CELF2: variants seen among roughly 807,000 people sequenced by gnomAD.
CELF2 encodes CUGBP Elav-like family member 2.
Under a neutral mutation model 62.6 loss-of-function variants are expected in CELF2, and 8 were observed. That is an observed-to-expected ratio of 0.13 (90% CI 0.07 to 0.23). The LOEUF (loss-of-function observed/expected upper bound fraction) is 0.23. Among genes scored for constraint, CELF2 ranks in the 10% least tolerant of loss-of-function variants. CELF2 has a pLI of 1.00. For synonymous variants in CELF2, 258 were observed against 250.0 expected (o/e 1.03, Z -0.30); for missense variants, 333 against 671.0 (o/e 0.50, Z 5.56).
At chr10:10,559,219 T>G in the CELF2 span, among the ~76,000 whole-genome samples, 1 of 152,192 alleles carries the variant, frequency 6.6e-6, no homozygotes, top group Non-Finnish European at 1.5e-5. Flanking sequence ...TCATCAGTAT[T>G]AAGCATGTCT....
At chr10:10,621,134 C>T in the CELF2 span, among the ~76,000 whole-genome samples, 6 of 149,960 alleles carry the variant, frequency 4.0e-5, no homozygotes, top group Non-Finnish European at 8.9e-5. Flanking sequence ...GTCCCAGCTA[C>T]TCGGGAGGCT....
intron 1 of CELF2, among the ~76,000 whole-genome samples, chr10:11,160,067 C>T (rs2065351158): frequency 6.6e-6 from 1 of 152,200 alleles, no homozygotes; most frequent in African/African-American, 2.4e-5. Flanking sequence ...CACCTGTGAG[C>T]CAGAGGGACT....
intron 1 of CELF2, among the ~76,000 whole-genome samples, chr10:11,091,889 C>A (rs533951338): frequency 6.6e-6 from 1 of 152,282 alleles, no homozygotes; most frequent in African/African-American, 2.4e-5. Flanking sequence ...ACCAGTAAGA[C>A]GGTAACGTTG....
chr10:10,821,776 G>T (rs754429986), intron 1 of CELF2, among the ~76,000 whole-genome samples: 2 of 152,142 alleles, frequency 1.3e-5, no homozygotes, highest in African/African-American at 4.8e-5. Context: ...GAATAGGTGG[G>T]AGTATGTGGT....
chr10:10,679,650 C>T, the CELF2 span, among the ~76,000 whole-genome samples: 180 of 152,276 alleles, frequency 1.2e-3, no homozygotes, highest in African/African-American at 4.1e-3. Flanking sequence ...CCCAAAAGAA[C>T]ACCAGGATAA....
chr10:11,246,426 C>T lies in CELF2; in HGVS notation c.355-2727C>T, dbSNP rs974440069. Among the ~76,000 whole-genome samples the T allele has an allele frequency of 6.6e-6, 1 of 152,126 alleles. No homozygotes were observed. Among genetic ancestry groups the T allele is most frequent in the Non-Finnish European group, 1.5e-5 (1 of 68,026 alleles). Reference sequence around the variant, plus strand: ...CCTGTTGAACTCCCTTTGCAGGTGACCTCAAAATAGAAGAAGCCCTCATTC... The same window carrying T: ...CCTGTTGAACTCCCTTTGCAGGTGATCTCAAAATAGAAGAAGCCCTCATTC... On this transcript the variant is annotated intron_variant, in intron 3 of 12. Transcript: ENST00000633077. The surrounding 1 kb of genome is among the most constrained non-coding windows in gnomAD (Gnocchi z 4.6).
chr10:10,736,384 CTTTCTTTCTTTCTT>C, the CELF2 span, among the ~76,000 whole-genome samples: 1 of 80,536 alleles, frequency 1.2e-5, no homozygotes, highest in Non-Finnish European at 2.7e-5. Context: ...TTCTTTCTTT[CTTTCTTTCTTTCTT>C]TTTTTTTTTT....
intron 1 of CELF2, among the ~76,000 whole-genome samples, chr10:10,814,895 A>G (rs2056302679): frequency 6.6e-6 from 1 of 152,240 alleles, no homozygotes; most frequent in South Asian, 2.1e-4. Context: ...GGTTCCGTCT[A>G]GAGCACCTAG....
At chr10:10,800,358 A>T (rs536383027) in intron 1 of CELF2, among the ~76,000 whole-genome samples, 16 of 149,106 alleles carry the variant, frequency 1.1e-4, no homozygotes, top group Admixed American at 2.0e-4. Context: ...ATTAATGTAC[A>T]TTTTTTTTTT....
the CELF2 span, among the ~76,000 whole-genome samples, chr10:10,622,103 C>T: frequency 1.2e-4 from 18 of 152,196 alleles, no homozygotes; most frequent in African/African-American, 4.1e-4. Flanking sequence ...CTCGTCCTGA[C>T]AGTCACTGGG....
the CELF2 span, among the ~76,000 whole-genome samples, chr10:10,563,812 A>C: frequency 1.3e-5 from 2 of 152,096 alleles, no homozygotes; most frequent in African/African-American, 4.8e-5. Flanking sequence ...ACGGGGCCTC[A>C]CCTGCAGGGA....
intron 2 of CELF2, among the ~76,000 whole-genome samples, chr10:10,930,898 A>G (rs1327234057): frequency 6.6e-6 from 1 of 152,318 alleles, no homozygotes; most frequent in Admixed American, 6.5e-5. Flanking sequence ...TTATTCCTCT[A>G]AAGGGTTTCA....
chr10:10,691,612 C>A, the CELF2 span, among the ~76,000 whole-genome samples: 1 of 151,840 alleles, frequency 6.6e-6, no homozygotes, highest in Non-Finnish European at 1.5e-5. Context: ...AATCAGTTTA[C>A]AGTCCCACCA....
the CELF2 span, among the ~76,000 whole-genome samples, chr10:10,526,169 T>C: frequency 1.3e-5 from 2 of 152,244 alleles, no homozygotes; most frequent in Admixed American, 1.3e-4. Flanking sequence ...ACCTGTTAGA[T>C]TTTTATTCTG....
At chr10:10,794,604 C>T (rs1214270733), upstream of CELF2, 1 of 151,678 alleles carries the variant, frequency 6.6e-6, no homozygotes, top group African/African-American at 2.4e-5. Context: ...TTTTAAAGCC[C>T]CTATCAGGAA....
intron 2 of CELF2, among the ~76,000 whole-genome samples, chr10:10,987,705 G>T (rs1052355731): frequency 6.6e-6 from 1 of 151,704 alleles, no homozygotes; most frequent in Non-Finnish European, 1.5e-5. Context: ...AGAAAAAAAC[G>T]ATCTCAATAG....
the CELF2 span, among the ~76,000 whole-genome samples, chr10:10,655,734 A>G: frequency 1.5e-5 from 2 of 132,482 alleles, no homozygotes; most frequent in African/African-American, 5.5e-5. Flanking sequence ...AGATGGATTA[A>G]AGACTTAAAC....
At chr10:11,003,455 TTTCTC>T (rs1412467412), upstream of CELF2, among the ~76,000 whole-genome samples, 2 of 152,232 alleles carry the variant, frequency 1.3e-5, no homozygotes, top group African/African-American at 4.8e-5. This position sits in a 1 kb window ranked among gnomAD's most constrained non-coding sequence, Gnocchi z 4.4. Context: ...TATTTTTACT[TTTCTC>T]TAATGGACAA....
chr10:10,915,920 T>C (rs2134525087), intron 1 of CELF2, among the ~76,000 whole-genome samples: 1 of 152,344 alleles, frequency 6.6e-6, no homozygotes, highest in Non-Finnish European at 1.5e-5. Flanking sequence ...ATATTTTGCA[T>C]GAATAAATAT....
Sources: allele counts gnomAD v4.1 joint callset (sites outside exome capture counted in the v4.1 genomes callset), GRCh38; gene constraint gnomAD v4.1.1; non-coding constraint Gnocchi (gnomAD v3.1); transcripts MANE v1.5; gene names NCBI Gene and HGNC (gene_info 2026-07-23, HGNC 2026-07-21).